CTNND2: variants seen among roughly 807,000 people sequenced by gnomAD.
CTNND2 encodes catenin delta 2.
CTNND2 carries 22 observed loss-of-function variants against 144.4 expected under a neutral mutation model. That is an observed-to-expected ratio of 0.15 (90% CI 0.11 to 0.22). The LOEUF is 0.22. Among genes scored for constraint, CTNND2 ranks in the 10% least tolerant of loss-of-function variants. The pLI, the probability that CTNND2 is intolerant of heterozygous loss-of-function variation, is 1.00. For missense variants in CTNND2, 1,353 were observed against 1,618.8 expected, an observed-to-expected ratio of 0.84 and a Z score of 2.82; for synonymous variants, 751 against 695.6, an observed-to-expected ratio of 1.08 and a Z score of -1.25.
At chr5:11,603,776 T>C (rs967168427) in intron 2 of CTNND2, among the ~76,000 whole-genome samples, 2 of 152,178 alleles carry the variant, frequency 1.3e-5, no homozygotes, top group African/African-American at 4.8e-5. Flanking sequence ...AGTTATTAAA[T>C]ACCTATTTTG....
intron 2 of CTNND2, among the ~76,000 whole-genome samples, chr5:11,642,821 C>T (rs1408774077): frequency 6.6e-6 from 1 of 152,194 alleles, no homozygotes; most frequent in Non-Finnish European, 1.5e-5. Flanking sequence ...CCCCTGAATT[C>T]TTTTTAGTCT....
At chr5:11,135,770 C>T (rs1404975878) in intron 12 of CTNND2, among the ~76,000 whole-genome samples, 2 of 152,194 alleles carry the variant, frequency 1.3e-5, no homozygotes, top group African/African-American at 4.8e-5. Flanking sequence ...GTGCCCATGA[C>T]TGACACTCTC....
chr5:11,474,865 T>C (rs1474055831), intron 3 of CTNND2, among the ~76,000 whole-genome samples: 1 of 152,148 alleles, frequency 6.6e-6, no homozygotes, highest in Admixed American at 6.5e-5. Context: ...CATGGTACCC[T>C]TGAGGTTCTA....
At chr5:11,655,890 G>A (rs529715476) in intron 2 of CTNND2, among the ~76,000 whole-genome samples, 1 of 151,786 alleles carries the variant, frequency 6.6e-6, no homozygotes, top group South Asian at 2.1e-4. Context: ...TTCTTTCAAT[G>A]ATGACACACA....
intron 2 of CTNND2, among the ~76,000 whole-genome samples, chr5:11,684,612 T>C (rs1233831062): frequency 1.3e-5 from 2 of 152,214 alleles, no homozygotes; most frequent in African/African-American, 4.8e-5. Context: ...AAGTTGGTCA[T>C]GGCACAGTTA....
chr5:11,768,378 C>T (rs1050241146), intron 1 of CTNND2, among the ~76,000 whole-genome samples: 2 of 152,202 alleles, frequency 1.3e-5, no homozygotes, highest in Admixed American at 6.5e-5. Flanking sequence ...CAACCTCCAC[C>T]TCCCAGGCTG....
chr5:11,344,925 T>G (rs923282168), intron 9 of CTNND2, among the ~76,000 whole-genome samples: 2 of 152,198 alleles, frequency 1.3e-5, no homozygotes, highest in Non-Finnish European at 2.9e-5. Context: ...AAATATAATT[T>G]GGTTTCTTAT....
intron 3 of CTNND2, among the ~76,000 whole-genome samples, chr5:11,434,654 A>C (rs1316512730): frequency 6.6e-6 from 1 of 152,182 alleles, no homozygotes; most frequent in Non-Finnish European, 1.5e-5. Context: ...GGGTAGAAAA[A>C]GGGGTATGTG....
chr5:11,569,389 A>G (rs1343538868), intron 2 of CTNND2, among the ~76,000 whole-genome samples: 1 of 152,238 alleles, frequency 6.6e-6, no homozygotes, highest in Non-Finnish European at 1.5e-5. Context: ...AAATGGTTTC[A>G]TCCTAGAATA....
intron 2 of CTNND2, among the ~76,000 whole-genome samples, chr5:11,613,464 T>A (rs1780430796): frequency 6.6e-6 from 1 of 152,184 alleles, no homozygotes; most frequent in Non-Finnish European, 1.5e-5. Flanking sequence ...TTTATGGTAT[T>A]CAGAATTCAT....
At chr5:11,672,459 T>C (rs1783923827) in intron 2 of CTNND2, among the ~76,000 whole-genome samples, 2 of 152,172 alleles carry the variant, frequency 1.3e-5, no homozygotes, top group Non-Finnish European at 1.5e-5. Flanking sequence ...GGCTGCTCAC[T>C]TTTTTTCAGA....
intron 3 of CTNND2, among the ~76,000 whole-genome samples, chr5:11,417,562 C>G (rs746312906): frequency 6.6e-6 from 1 of 152,132 alleles, no homozygotes; most frequent in Non-Finnish European, 1.5e-5. Flanking sequence ...CCACTGAACA[C>G]ATTAAAAGTA....
At chr5:11,221,251 C>T (rs1365796943) in intron 10 of CTNND2, among the ~76,000 whole-genome samples, 1 of 152,192 alleles carries the variant, frequency 6.6e-6, no homozygotes, top group Non-Finnish European at 1.5e-5. Context: ...GAAACATGGT[C>T]AAGCCAGAAA....
chr5:11,021,596 T>A (rs984274557), intron 17 of CTNND2, among the ~76,000 whole-genome samples: 3 of 152,178 alleles, frequency 2.0e-5, no homozygotes, highest in Non-Finnish European at 4.4e-5. Flanking sequence ...CTTTTCTACT[T>A]AATATGAGAA....
intron 3 of CTNND2, among the ~76,000 whole-genome samples, chr5:11,550,148 A>G (rs1159856109): frequency 1.3e-5 from 2 of 152,208 alleles, no homozygotes; most frequent in Non-Finnish European, 2.9e-5. Flanking sequence ...TTTCTGAGGT[A>G]ACTGTTATTC....
intron 3 of CTNND2, among the ~76,000 whole-genome samples, chr5:11,545,416 A>C (rs1272776398): frequency 1.3e-5 from 2 of 152,006 alleles, no homozygotes; most frequent in Non-Finnish European, 2.9e-5. Flanking sequence ...TCACGCCTGT[A>C]ATCCCGGAAT....
At chr5:11,183,951 T>C (rs187043159) in intron 11 of CTNND2, among the ~76,000 whole-genome samples, 72 of 152,276 alleles carry the variant, frequency 4.7e-4, no homozygotes, top group African/African-American at 1.7e-3. Context: ...TTTCTTTCAT[T>C]ACCACAAGCA....
intron 9 of CTNND2, among the ~76,000 whole-genome samples, chr5:11,292,191 T>C (rs1370915202): frequency 1.3e-5 from 2 of 152,140 alleles, no homozygotes; most frequent in East Asian, 3.9e-4. Context: ...TACTAAATTA[T>C]GAGTTGTGTT....
chr5:11,276,461 T>G (rs373751979), intron 9 of CTNND2, among the ~76,000 whole-genome samples: 108 of 152,244 alleles, frequency 7.1e-4, no homozygotes, highest in African/African-American at 2.4e-3. Context: ...TCTCCCTCAT[T>G]GCTTGATTTC....
Sources: gnomAD v4.1 joint callset for allele counts (sites outside exome capture counted in the v4.1 genomes callset) on GRCh38, gnomAD v4.1.1 for gene constraint, MANE v1.5 for transcripts, NCBI Gene and HGNC (gene_info 2026-07-23, HGNC 2026-07-21) for gene names.